The following WIF1 variants were observed in gnomAD, a reference collection of about 807,000 sequenced individuals.
WIF1 encodes Wnt inhibitory factor 1.
In WIF1, 35 loss-of-function variants were observed where a neutral mutation model predicts 53.5. The ratio of observed to expected loss-of-function variants is 0.65; its 90% CI spans 0.50 to 0.87. The LOEUF (loss-of-function observed/expected upper bound fraction) is 0.87. WIF1 is among the 40% of genes least tolerant of loss of function. The probability of loss-of-function intolerance (pLI) is 0.00; values close to 1 mark genes in which losing one functional copy is unlikely to be tolerated. For missense variants in WIF1, 467 were observed against 476.8 expected, an observed-to-expected ratio of 0.98 and a Z score of 0.19; for synonymous variants, 171 against 170.4, an observed-to-expected ratio of 1.00 and a Z score of -0.03.
intron 2 of WIF1, among the ~76,000 whole-genome samples, chr12:65,081,325 TC>T (rs1882946125): frequency 6.6e-6 from 1 of 152,152 alleles, no homozygotes. Flanking sequence ...TCTGAACGCC[TC>T]TTCCAAAAAG....
In WIF1 at chr12:65,121,260, A is replaced by G. The variant is rs1313065125; in HGVS notation, c.-69T>C. On this transcript the variant is annotated 5_prime_UTR_variant, in exon 1 of 10. Coordinates refer to ENST00000286574, the MANE Select transcript of WIF1 (RefSeq NM_007191.5). ...CACCTACGCAACCTGGCGCCGTCAG[A>G]TACTCTGCTGCGCTGCAGCTCCCTC... 1 of 1,370,332 alleles carries G rather than the reference A, an allele frequency of 7.3e-7. No homozygotes were observed. The highest frequency in any genetic ancestry group is 1.5e-5 in the African/African-American group (1 of 67,288). 84.9% of individuals were successfully genotyped at this position (1,370,332 alleles called of 1,614,324 possible).
intron 2 of WIF1, among the ~76,000 whole-genome samples, chr12:65,110,800 T>A (rs1395257879): frequency 6.6e-6 from 1 of 152,178 alleles, no homozygotes; most frequent in East Asian, 1.9e-4. Context: ...AATGGAAAAG[T>A]TAATCAATTA....
chr12:65,103,447 C>T (rs922884244), intron 2 of WIF1, among the ~76,000 whole-genome samples: 6 of 152,196 alleles, frequency 3.9e-5, no homozygotes, highest in African/African-American at 1.2e-4. Flanking sequence ...TGAGTGAATG[C>T]TTCCTCAAAC....
chr12:65,080,388 A>G (rs574119114), intron 2 of WIF1, among the ~76,000 whole-genome samples: 5 of 152,284 alleles, frequency 3.3e-5, no homozygotes, highest in African/African-American at 1.2e-4. Flanking sequence ...GGTTTATAAG[A>G]AGTCTGATGA....
At chr12:65,106,309 C>G (rs577083330) in intron 2 of WIF1, among the ~76,000 whole-genome samples, 1 of 151,818 alleles carries the variant, frequency 6.6e-6, no homozygotes, top group South Asian at 2.1e-4. Context: ...GATTTGGACT[C>G]ATTTATGAAA....
At chr12:65,093,768 G>A (rs796651630) in intron 2 of WIF1, among the ~76,000 whole-genome samples, 16 of 152,196 alleles carry the variant, frequency 1.1e-4, no homozygotes, top group African/African-American at 3.6e-4. Flanking sequence ...ATGTGGATAG[G>A]TGGATTCGGT....
At chr12:65,083,724 C>T (rs1045790852) in intron 2 of WIF1, 1 of 334,122 alleles carries the variant, frequency 3.0e-6, no homozygotes, top group African/African-American at 2.3e-5. Context: ...CAGCTTCCCC[C>T]ACTTGATTTC....
Position 65,120,513 on chromosome 12 carries a change from T to C in WIF1, c.192A>G (p.Ala64=), listed in dbSNP as rs758772906. ...CTTTTCTGAAATCATGTGTAAAAGG[T>C]GCCATTTTCCCCTCTGAAACAATCA... ...DILIVSEGKM[A]PFTHDFRKAQ... is the part of the protein sequence containing the mutation. Residue 64 remains alanine, a synonymous_variant, in exon 2 of 10, where the codon GCA becomes GCG. Coordinates refer to ENST00000286574, the MANE Select transcript of WIF1 (RefSeq NM_007191.5). 4 of 1,614,088 alleles carry C rather than the reference T, an allele frequency of 2.5e-6. No individual in the cohort carries two copies. Among genetic ancestry groups the C allele is most frequent in the Non-Finnish European group, 3.4e-6 (4 of 1,180,002 alleles).
At chr12:65,099,877 G>C (rs1490881953) in intron 2 of WIF1, among the ~76,000 whole-genome samples, 1 of 152,030 alleles carries the variant, frequency 6.6e-6, no homozygotes, top group African/African-American at 2.4e-5. Context: ...TTTTGACGTT[G>C]ATCTACTTGT....
rs1199288863 is a variant in WIF1, at chr12:65,102,788, G to T, written c.288+17629C>A. On this transcript the variant is annotated intron_variant, in intron 2 of 9. Coordinates refer to ENST00000286574, the MANE Select transcript of WIF1 (RefSeq NM_007191.5). Reference sequence around the variant, plus strand: ...CCTTGCTTGCTGTGCCCTAGTCCTGGCCCTCTGTTCCACCCAAAAGGGTAG... The same window carrying T: ...CCTTGCTTGCTGTGCCCTAGTCCTGTCCCTCTGTTCCACCCAAAAGGGTAG... Among the ~76,000 whole-genome samples, 3 of 152,196 alleles carry T rather than the reference G, an allele frequency of 2.0e-5. No individual in the cohort carries two copies. In the East Asian group the frequency reaches 5.8e-4, roughly 29 times the overall value.
At chr12:65,117,581 T>C (rs1488902918) in intron 2 of WIF1, among the ~76,000 whole-genome samples, 1 of 152,196 alleles carries the variant, frequency 6.6e-6, no homozygotes, top group Non-Finnish European at 1.5e-5. Flanking sequence ...AGGCACATCA[T>C]ATTTATCATG....
chr12:65,107,596 T>G (rs2133324), intron 2 of WIF1, among the ~76,000 whole-genome samples: 151,710 of 152,296 alleles, frequency 1, 75,566 homozygotes, highest in Middle Eastern at 1. Flanking sequence ...CCCCAGCTTG[T>G]GTAACAGAGC....
intron 2 of WIF1, among the ~76,000 whole-genome samples, chr12:65,094,220 C>T (rs986009189): frequency 5.9e-5 from 9 of 152,134 alleles, no homozygotes; most frequent in African/African-American, 2.2e-4. Flanking sequence ...AATATTTCTC[C>T]CAGATCCAAT....
At chr12:65,118,815 A>G (rs1883551268) in intron 2 of WIF1, among the ~76,000 whole-genome samples, 1 of 152,152 alleles carries the variant, frequency 6.6e-6, no homozygotes. Context: ...TTCAAATTCT[A>G]TTCTTCAACA....
At chr12:65,087,016 G>T (rs573831405) in intron 2 of WIF1, among the ~76,000 whole-genome samples, 114 of 152,132 alleles carry the variant, frequency 7.5e-4, no homozygotes, top group African/African-American at 2.6e-3. Flanking sequence ...TGGGCATGGT[G>T]GTGCACACCT....
At chr12:65,068,150 C>T (rs1398915177) in intron 4 of WIF1, among the ~76,000 whole-genome samples, 2 of 152,000 alleles carry the variant, frequency 1.3e-5, no homozygotes, top group East Asian at 3.9e-4. Context: ...CTTATGGGTA[C>T]ATCTTTAGAG....
At chr12:65,077,676 T>C in intron 3 of WIF1, 70 bp downstream of exon 3, 1 of 1,146,076 alleles carries the variant, frequency 8.7e-7, no homozygotes, top group South Asian at 1.4e-5. Flanking sequence ...TGTAGGACAT[T>C]TGCATCTTAA....
At chr12:65,107,816 G>T (rs758706946) in intron 2 of WIF1, among the ~76,000 whole-genome samples, 18 of 152,140 alleles carry the variant, frequency 1.2e-4, no homozygotes, top group African/African-American at 4.3e-4. Flanking sequence ...CTCAAGAGTT[G>T]TTCTAGATGT....
intron 2 of WIF1, among the ~76,000 whole-genome samples, chr12:65,110,146 A>G (rs1883408181): frequency 6.6e-6 from 1 of 152,186 alleles, no homozygotes; most frequent in African/African-American, 2.4e-5. Context: ...TTTCTTATAC[A>G]TAAAAGTGTT....
Sources: gnomAD v4.1 joint callset for allele counts (sites outside exome capture counted in the v4.1 genomes callset) on GRCh38, gnomAD v4.1.1 for gene constraint, MANE v1.5 for transcripts, NCBI Gene and HGNC (gene_info 2026-07-23, HGNC 2026-07-21) for gene names.